Variants in MYO1E observed in about 807,000 individuals in gnomAD.
MYO1E encodes unconventional myosin-Ie.
MYO1E carries 68 observed loss-of-function variants against 151.1 expected under a neutral mutation model. The observed-to-expected ratio is 0.45, with a 90% CI of 0.37 to 0.55. The LOEUF (loss-of-function observed/expected upper bound fraction) is 0.55, where lower values mean the gene tolerates loss of function less well. Ranked by LOEUF, MYO1E falls within the 20% of genes least tolerant of loss-of-function variation. The pLI is 0.00. For missense variants in MYO1E, 1,363 were observed against 1,389.3 expected (o/e 0.98, Z 0.30); for synonymous variants, 601 against 501.7 (o/e 1.20, Z -2.64).
intron 5 of MYO1E, among the ~76,000 whole-genome samples, chr15:59,233,263 T>C (rs1282685208): frequency 1.1e-4 from 17 of 152,198 alleles, no homozygotes; most frequent in African/African-American, 3.9e-4. Context: ...CATTCATCCA[T>C]CCATCCGTCC....
At chr15:59,151,361 T>C (rs1420600378) in intron 26 of MYO1E, among the ~76,000 whole-genome samples, 1 of 152,004 alleles carries the variant, frequency 6.6e-6, no homozygotes, top group Non-Finnish European at 1.5e-5. Context: ...ACCCAGGACA[T>C]GGAGGTTGCA....
intron 2 of MYO1E, among the ~76,000 whole-genome samples, chr15:59,265,324 C>T (rs1049624124): frequency 2.0e-5 from 3 of 152,126 alleles, no homozygotes; most frequent in Non-Finnish European, 2.9e-5. Context: ...TACCACCTCC[C>T]CACCAATCCC....
At chr15:59,268,435 C>T (rs971500787) in intron 2 of MYO1E, among the ~76,000 whole-genome samples, 2 of 152,160 alleles carry the variant, frequency 1.3e-5, no homozygotes, top group African/African-American at 4.8e-5. Context: ...AATTCAAAGG[C>T]GCATAAACAG....
intron 12 of MYO1E, among the ~76,000 whole-genome samples, chr15:59,211,869 C>T (rs1396544500): frequency 5.9e-5 from 9 of 152,124 alleles, no homozygotes; most frequent in South Asian, 2.1e-4. Context: ...CCATGTCTAG[C>T]GCAGTCTCCT....
Position 59,178,657 on chromosome 15 carries a change from T to C in MYO1E, c.1905-120A>G, listed in dbSNP as rs1203658250. The C allele has an allele frequency of 2.3e-6, 3 of 1,330,442 alleles. No individual in the cohort carries two copies. The Admixed American group carries it at 6.7e-5, about 30-fold the overall frequency. 82.4% of individuals were successfully genotyped at this position (1,330,442 alleles called of 1,614,324 possible). A position where few individuals can be genotyped will look rare whatever the true frequency, so the allele number is the denominator to read the frequency against. On this transcript the variant is annotated intron_variant, in intron 18 of 27. Coordinates refer to ENST00000288235, the MANE Select transcript of MYO1E (RefSeq NM_004998.4). ...CCCAGTGCTGCAAAGTTACTGATCA[T>C]CTGTTTACCAGCGTTCGAAGGCTCA...
At chr15:59,254,981 A>G (rs2080185836) in intron 4 of MYO1E, among the ~76,000 whole-genome samples, 1 of 152,094 alleles carries the variant, frequency 6.6e-6, no homozygotes, top group Admixed American at 6.6e-5. Flanking sequence ...ATGTACCACC[A>G]CACCTGGCTA....
intron 7 of MYO1E, among the ~76,000 whole-genome samples, chr15:59,226,330 C>T (rs1367709070): frequency 6.6e-6 from 1 of 152,078 alleles, no homozygotes; most frequent in Non-Finnish European, 1.5e-5. Context: ...CCTTCTAATC[C>T]AGTGATCCAC....
At chr15:59,325,540 T>C (rs1390036376) in intron 1 of MYO1E, among the ~76,000 whole-genome samples, 1 of 152,254 alleles carries the variant, frequency 6.6e-6, no homozygotes, top group African/African-American at 2.4e-5. Context: ...TGGAGTTTGA[T>C]AGTGCAATCC....
In MYO1E at chr15:59,153,675, G is replaced by C. The variant is rs201083485; in HGVS notation, c.2995C>G (p.Arg999Gly). The part of the protein sequence containing the change: ...YTSMARPPLP[R>G]QQSTSSDRVS... ...CGGTCTGAACTGGTAGACTGCTGCCGAGGCAAGGGCGGGCGGGCCATGGAG... is the reference window on the plus strand; with the variant it reads ...CGGTCTGAACTGGTAGACTGCTGCCCAGGCAAGGGCGGGCGGGCCATGGAG... Residue 999 changes from arginine (R) to glycine (G), a missense_variant, in exon 26 of 28, where the codon CGG becomes GGG. Coordinates refer to ENST00000288235, the MANE Select transcript of MYO1E (RefSeq NM_004998.4). The C allele has an allele frequency of 2.5e-6, 4 of 1,614,172 alleles. No individual in the cohort carries two copies. Among genetic ancestry groups the C allele is most frequent in the Non-Finnish European group, 3.4e-6 (4 of 1,180,034 alleles).
intron 1 of MYO1E, among the ~76,000 whole-genome samples, chr15:59,307,457 T>C (rs1298304855): frequency 6.6e-6 from 1 of 152,204 alleles, no homozygotes; most frequent in Non-Finnish European, 1.5e-5. Context: ...CCAGATTCTG[T>C]CAACTTTAAT....
At chr15:59,213,140 TTATTATTATTATTA>T (rs1473721049) in intron 12 of MYO1E, among the ~76,000 whole-genome samples, 138 of 24,530 alleles carry the variant, frequency 5.6e-3, no homozygotes, top group Non-Finnish European at 2.9e-3. Flanking sequence ...TATTTATTTA[TTATTATTATTATTA>T]TTATTATTAT....
chr15:59,216,487 T>A (rs541465074), intron 10 of MYO1E, among the ~76,000 whole-genome samples: 7 of 150,176 alleles, frequency 4.7e-5, no homozygotes, highest in Admixed American at 2.7e-4. Context: ...TAACAGAGAT[T>A]GTTACTGGCA....
At chr15:59,167,260 C>T (rs867328837) in intron 22 of MYO1E, among the ~76,000 whole-genome samples, 43 of 152,134 alleles carry the variant, frequency 2.8e-4, no homozygotes, top group African/African-American at 9.7e-4. Context: ...GAGATAAGTA[C>T]TGGAAAATCT....
intron 16 of MYO1E, among the ~76,000 whole-genome samples, chr15:59,200,819 TAGACTCTTA>T (rs1428558818): frequency 6.7e-6 from 1 of 149,266 alleles, no homozygotes; most frequent in African/African-American, 2.6e-5. Flanking sequence ...TATCTTAAGA[TAGACTCTTA>T]AGATAGACTC....
At chr15:59,310,391 A>G (rs2080543600) in intron 1 of MYO1E, among the ~76,000 whole-genome samples, 1 of 152,228 alleles carries the variant, frequency 6.6e-6, no homozygotes, top group Non-Finnish European at 1.5e-5. Flanking sequence ...TCAAGTTAAG[A>G]CGAAGTCAGC....
At chr15:59,214,805 C>G (rs1360046324) in intron 10 of MYO1E, 85 bp from the exon 11 acceptor site, 4 of 1,033,866 alleles carry the variant, frequency 3.9e-6, no homozygotes. Flanking sequence ...AAGCTGGATT[C>G]TACACGGCAA....
At chr15:59,227,912 A>G (rs2140352618) in intron 6 of MYO1E, among the ~76,000 whole-genome samples, 1 of 152,320 alleles carries the variant, frequency 6.6e-6, no homozygotes, top group Admixed American at 6.5e-5. Context: ...GAAAAATGGC[A>G]TGGCACCCTT....
At chr15:59,264,341 G>A (rs545650647) in intron 2 of MYO1E, among the ~76,000 whole-genome samples, 2 of 152,236 alleles carry the variant, frequency 1.3e-5, no homozygotes, top group East Asian at 1.9e-4. Context: ...CAGGCAGTCT[G>A]GATCCCACGC....
intron 1 of MYO1E, among the ~76,000 whole-genome samples, chr15:59,315,281 G>A (rs1386706427): frequency 1.3e-5 from 2 of 151,974 alleles, no homozygotes; most frequent in African/African-American, 4.8e-5. Flanking sequence ...ACTCCTACCT[G>A]TTTCTCTCCC....
Sources: gnomAD v4.1 joint callset for allele counts (sites outside exome capture counted in the v4.1 genomes callset) on GRCh38, gnomAD v4.1.1 for gene constraint, MANE v1.5 for transcripts, NCBI Gene and HGNC (gene_info 2026-07-23, HGNC 2026-07-21) for gene names.